The following KLHL1 variants were observed in gnomAD, a reference collection of about 807,000 sequenced individuals.
The protein encoded by KLHL1 is kelch like family member 1, also known as kelch-like protein 1.
KLHL1 carries 47 observed loss-of-function variants against 77.7 expected under a neutral mutation model. The observed-to-expected ratio is 0.60, with a 90% CI of 0.48 to 0.77. KLHL1 has a LOEUF of 0.77. Ranked by LOEUF, KLHL1 falls within the 30% of genes least tolerant of loss-of-function variation. The pLI, the probability that KLHL1 is intolerant of heterozygous loss-of-function variation, is 0.00. For missense variants in KLHL1, 925 were observed against 910.8 expected (o/e 1.02, Z -0.20); for synonymous variants, 360 against 325.2 (o/e 1.11, Z -1.15).
At chr13:70,026,046 C>T (rs1262675057) in intron 1 of KLHL1, among the ~76,000 whole-genome samples, 1 of 152,112 alleles carries the variant, frequency 6.6e-6, no homozygotes, top group Non-Finnish European at 1.5e-5. Context: ...ACTGCAGGGA[C>T]ATCCTGAAGT....
intron 1 of KLHL1, among the ~76,000 whole-genome samples, chr13:70,003,885 C>G (rs1885350393): frequency 6.6e-6 from 1 of 151,616 alleles, no homozygotes; most frequent in African/African-American, 2.4e-5. Flanking sequence ...TGATGAAGAA[C>G]TGGATCACAT....
Position 69,928,088 on chromosome 13 carries a change from G to T in KLHL1, c.1014+11952C>A, listed in dbSNP as rs890774822. On this transcript the variant is annotated intron_variant, in intron 4 of 10. Coordinates refer to ENST00000377844, the MANE Select transcript of KLHL1 (RefSeq NM_020866.3). ...CATACTAACCATTGGCACCCCCATT[G>T]TTCCTATAGATAGAATTTCAGACAT... Among the ~76,000 whole-genome samples the T allele has an allele frequency of 3.3e-5, 5 of 152,274 alleles. No homozygotes were observed. In the East Asian group the frequency reaches 5.8e-4, roughly 18 times the overall value.
At chr13:69,818,514 C>T (rs774532190) in intron 6 of KLHL1, among the ~76,000 whole-genome samples, 3 of 152,182 alleles carry the variant, frequency 2.0e-5, no homozygotes, top group South Asian at 2.1e-4. Flanking sequence ...CCACCACGCC[C>T]GGCCAGGCAT....
rs542884465 is a variant in KLHL1, at chr13:70,054,026, A to G, written c.497+53177T>C. On this transcript the variant is annotated intron_variant, in intron 1 of 10. Coordinates refer to ENST00000377844, the MANE Select transcript of KLHL1 (RefSeq NM_020866.3). ...GCATTTTGTTCCTCTCATTTCTGGG[A>G]AAAATGTGAGTATTAAAAACATTCT... is the stretch of plus-strand genomic sequence containing the variant. Among the ~76,000 whole-genome samples the G allele has an allele frequency of 5.3e-5, 8 of 152,218 alleles. No individual in the cohort carries two copies. The South Asian group carries it at 1.7e-3, about 32-fold the overall frequency.
intron 6 of KLHL1, among the ~76,000 whole-genome samples, chr13:69,807,788 T>A (rs1387504023): frequency 6.6e-6 from 1 of 152,154 alleles, no homozygotes; most frequent in African/African-American, 2.4e-5. Context: ...ATTACAGGAC[T>A]GGAGTGCGAG....
At chr13:69,722,727 G>A (rs1468843100) in intron 8 of KLHL1, among the ~76,000 whole-genome samples, 3 of 151,776 alleles carry the variant, frequency 2.0e-5, no homozygotes, top group Non-Finnish European at 2.9e-5. Context: ...AAACCATTAC[G>A]AAAAACCATT....
At chr13:69,852,003 A>G (rs1218711898) in intron 5 of KLHL1, among the ~76,000 whole-genome samples, 1 of 151,936 alleles carries the variant, frequency 6.6e-6, no homozygotes, top group African/African-American at 2.4e-5. Flanking sequence ...GATTCAAACC[A>G]TCTTGTTATG....
chr13:69,792,164 G>A (rs1876901777), intron 7 of KLHL1, among the ~76,000 whole-genome samples: 1 of 152,058 alleles, frequency 6.6e-6, no homozygotes, highest in East Asian at 1.9e-4. Context: ...ACAAATCTTA[G>A]TCTGATAGAG....
intron 1 of KLHL1, among the ~76,000 whole-genome samples, chr13:70,013,243 A>G (rs1885580182): frequency 2.0e-5 from 3 of 152,216 alleles, no homozygotes; most frequent in Admixed American, 2.0e-4. Context: ...AAGCAATTCT[A>G]TACATTAAAA....
chr13:69,868,458 G>C (rs2138168723), intron 5 of KLHL1, among the ~76,000 whole-genome samples: 1 of 152,062 alleles, frequency 6.6e-6, no homozygotes, highest in South Asian at 2.1e-4. Context: ...AAGAGGCTCA[G>C]TAAACAACAA....
chr13:70,086,558 G>A (rs1476589463), intron 1 of KLHL1, among the ~76,000 whole-genome samples: 1 of 121,586 alleles, frequency 8.2e-6, no homozygotes, highest in Non-Finnish European at 1.6e-5. Context: ...GGGTGACAGA[G>A]GGAAGCTCTG....
At chr13:70,010,248 A>C (rs1885500900) in intron 1 of KLHL1, among the ~76,000 whole-genome samples, 1 of 152,190 alleles carries the variant, frequency 6.6e-6, no homozygotes, top group Non-Finnish European at 1.5e-5. Flanking sequence ...AAGTATCACT[A>C]GTGTTATGTA....
intron 5 of KLHL1, among the ~76,000 whole-genome samples, chr13:69,854,495 C>T (rs1488217950): frequency 6.6e-6 from 1 of 151,948 alleles, no homozygotes; most frequent in Non-Finnish European, 1.5e-5. Flanking sequence ...ACATTGGTTA[C>T]CATGAAGTTT....
chr13:70,051,771 C>T (rs1356548836), intron 1 of KLHL1, among the ~76,000 whole-genome samples: 1 of 151,924 alleles, frequency 6.6e-6, no homozygotes, highest in Admixed American at 6.6e-5. Flanking sequence ...TGGGTTCTTA[C>T]TGACATTATG....
chr13:69,796,558 T>C (rs1877115019), intron 7 of KLHL1, among the ~76,000 whole-genome samples, 180 bp downstream of exon 7: 1 of 152,218 alleles, frequency 6.6e-6, no homozygotes. Context: ...ACTAAAGGCC[T>C]AATATTCCAG....
intron 8 of KLHL1, among the ~76,000 whole-genome samples, chr13:69,727,120 G>T (rs2137907449): frequency 6.6e-6 from 1 of 152,178 alleles, no homozygotes; most frequent in Non-Finnish European, 1.5e-5. Flanking sequence ...TTCAAAAAGG[G>T]TTCATAGGAA....
chr13:69,838,534 T>C (rs1046748002), intron 6 of KLHL1, among the ~76,000 whole-genome samples: 9 of 151,970 alleles, frequency 5.9e-5, no homozygotes, highest in African/African-American at 2.2e-4. Context: ...AAATTATAAC[T>C]TTCACCATTC....
chr13:70,064,431 A>T (rs1163459468), intron 1 of KLHL1, among the ~76,000 whole-genome samples: 2 of 152,160 alleles, frequency 1.3e-5, no homozygotes, highest in Non-Finnish European at 2.9e-5. Flanking sequence ...TCAGAAGTGA[A>T]TATTAAATAA....
At position 69,783,761 on chromosome 13, in the gene KLHL1, A is replaced by ATAT. The variant is rs1305384171; in HGVS notation, c.1639+12974_1639+12976dup. Among the ~76,000 whole-genome samples, 6 of 140,830 alleles carry ATAT rather than the reference A, an allele frequency of 4.3e-5. No individual in the cohort carries two copies. The South Asian group carries it at 1.4e-3, about 33-fold the overall frequency. 92.4% of individuals were successfully genotyped at this position (140,830 alleles called of 152,430 possible). ...ACCAAGTTGGAAAACACTCTGCGGG[A>ATAT]TATTATCCAGGAGAACTTCCCCAAT... On this transcript the variant is annotated intron_variant, in intron 7 of 10. Transcript: ENST00000377844.
Sources: allele counts gnomAD v4.1 joint callset (sites outside exome capture counted in the v4.1 genomes callset), GRCh38; gene constraint gnomAD v4.1.1; transcripts MANE v1.5; gene names NCBI Gene and HGNC (gene_info 2026-07-23, HGNC 2026-07-21).